Variants in MAN1A1 observed in about 807,000 individuals in gnomAD.
The protein encoded by MAN1A1 is mannosidase alpha class 1A member 1, also known as mannosyl-oligosaccharide 1,2-alpha-mannosidase IA.
A neutral mutation model predicts 70.8 loss-of-function variants in MAN1A1; 29 were observed. The observed-to-expected ratio is 0.41, with a 90% CI of 0.31 to 0.56. The LOEUF is 0.56. Among genes scored for constraint, MAN1A1 ranks in the 20% least tolerant of loss-of-function variants. The pLI is 0.29. For missense variants in MAN1A1, 747 were observed against 841.3 expected (o/e 0.89, Z 1.39); for synonymous variants, 349 against 330.1 (o/e 1.06, Z -0.62).
At chr6:119,272,731 G>C (rs1305022285) in intron 5 of MAN1A1, among the ~76,000 whole-genome samples, 2 of 152,076 alleles carry the variant, frequency 1.3e-5, no homozygotes, top group Non-Finnish European at 2.9e-5. Context: ...ACTTTCGATT[G>C]ATTTATGAAT....
At chr6:119,241,278 TAATG>T (rs765085193) in intron 6 of MAN1A1, among the ~76,000 whole-genome samples, 7 of 152,130 alleles carry the variant, frequency 4.6e-5, no homozygotes, top group Non-Finnish European at 1.0e-4. Context: ...GTGTAACTAT[TAATG>T]AAAGTAAACA....
chr6:119,291,915 A>G (rs1446075353), intron 4 of MAN1A1, among the ~76,000 whole-genome samples: 3 of 152,016 alleles, frequency 2.0e-5, no homozygotes, highest in African/African-American at 7.2e-5. Flanking sequence ...TAGTCCTCAC[A>G]ATGACCTTAT....
intron 8 of MAN1A1, among the ~76,000 whole-genome samples, chr6:119,199,725 G>A (rs1470220215): frequency 2.7e-5 from 4 of 148,786 alleles, no homozygotes; most frequent in Non-Finnish European, 4.5e-5. Context: ...TGGGAAATAT[G>A]AGACCTTCTC....
intron 4 of MAN1A1, among the ~76,000 whole-genome samples, chr6:119,297,449 C>T (rs1772246077): frequency 6.6e-6 from 1 of 152,100 alleles, no homozygotes; most frequent in Admixed American, 6.6e-5. Flanking sequence ...CATGCCTAAC[C>T]TCAGAGGACT....
At chr6:119,318,282 C>T (rs1772908939) in intron 2 of MAN1A1, among the ~76,000 whole-genome samples, 1 of 152,194 alleles carries the variant, frequency 6.6e-6, no homozygotes, top group Admixed American at 6.5e-5. Flanking sequence ...TCCCTTACAA[C>T]AACTCTGCAA....
intron 8 of MAN1A1, among the ~76,000 whole-genome samples, chr6:119,195,007 A>G (rs1352076351): frequency 6.6e-6 from 1 of 151,564 alleles, no homozygotes; most frequent in African/African-American, 2.4e-5. Flanking sequence ...TAATTTTTGT[A>G]TTTTTAGTAG....
chr6:119,332,084 T>C (rs1773332931), intron 2 of MAN1A1: 5 of 408,188 alleles, frequency 1.2e-5, no homozygotes, highest in Admixed American at 1.1e-4. Flanking sequence ...GAGAATTTAA[T>C]GAGAATATGT....
chr6:119,313,805 T>C (rs1430776140), intron 2 of MAN1A1, among the ~76,000 whole-genome samples: 5 of 152,072 alleles, frequency 3.3e-5, no homozygotes, highest in African/African-American at 1.2e-4. Flanking sequence ...TGCCCTGTTC[T>C]GTGGTAGGCT....
chr6:119,199,605 T>C (rs1773661867), intron 8 of MAN1A1, among the ~76,000 whole-genome samples: 1 of 152,016 alleles, frequency 6.6e-6, no homozygotes, highest in Non-Finnish European at 1.5e-5. Flanking sequence ...TTTTTTAAAA[T>C]GCTATTAAGA....
chr6:119,275,116 ATT>A (rs551671511), intron 5 of MAN1A1, among the ~76,000 whole-genome samples: 2 of 144,204 alleles, frequency 1.4e-5, no homozygotes. Context: ...CTGCTAGTTC[ATT>A]TTTTTTTTTT....
intron 7 of MAN1A1, among the ~76,000 whole-genome samples, chr6:119,204,260 C>T (rs971791386): frequency 2.0e-5 from 3 of 152,120 alleles, no homozygotes; most frequent in Non-Finnish European, 4.4e-5. Flanking sequence ...AAGTAGACAA[C>T]AGGGACGACT....
Position 119,349,081 on chromosome 6 carries a change from G to A in MAN1A1, c.-16C>T. On this transcript the variant is annotated 5_prime_UTR_variant, in exon 2 of 13. Coordinates refer to ENST00000368468, the MANE Select transcript of MAN1A1 (RefSeq NM_005907.4). The stretch of plus-strand genomic sequence containing the variant: ...CCACGGGCATCGCTCCCGCTGTCCA[G>A]TGGTCCGGCGCCGCGCCGCTCAGCA... 1.3e-5 allele frequency: 17 copies of A among 1,294,146 alleles called. No homozygotes were observed. The highest frequency in any genetic ancestry group is 1.7e-5 in the Non-Finnish European group (17 of 1,020,706). The allele number at this position is 1,294,146 out of a possible 1,614,324, so 80.2% of individuals were successfully genotyped here.
At chr6:119,180,215 C>T in intron 12 of MAN1A1, 97 bp downstream of exon 12, 2 of 854,778 alleles carry the variant, frequency 2.3e-6, no homozygotes, top group East Asian at 4.9e-5. Flanking sequence ...CTGAATCAGG[C>T]ATACTTGATA....
chr6:119,349,799 G>A, upstream of MAN1A1: 2 of 970,636 alleles, frequency 2.1e-6, no homozygotes, highest in Non-Finnish European at 1.2e-6. Flanking sequence ...GAAAGCGAGG[G>A]AGGCGACGCG....
At chr6:119,222,095 A>G (rs1295289217) in intron 6 of MAN1A1, among the ~76,000 whole-genome samples, 1 of 152,148 alleles carries the variant, frequency 6.6e-6, no homozygotes, top group Non-Finnish European at 1.5e-5. Context: ...ATTTCCTCAA[A>G]TGACCTAGTA....
intron 11 of MAN1A1, among the ~76,000 whole-genome samples, chr6:119,181,237 C>T (rs1582672162): frequency 6.6e-6 from 1 of 152,234 alleles, no homozygotes; most frequent in South Asian, 2.1e-4. Flanking sequence ...GTTTGCTGAC[C>T]CCTAGTTTGG....
chr6:119,225,584 A>T (rs1774490334), intron 6 of MAN1A1, among the ~76,000 whole-genome samples: 1 of 152,252 alleles, frequency 6.6e-6, no homozygotes, highest in African/African-American at 2.4e-5. Flanking sequence ...CTAGCTATGG[A>T]CATCAAACTC....
intron 6 of MAN1A1, 38 bp from the exon 7 acceptor site, chr6:119,204,920 T>A: frequency 6.2e-7 from 1 of 1,602,006 alleles, no homozygotes; most frequent in Non-Finnish European, 8.5e-7. Flanking sequence ...ATGGGTCAGA[T>A]TAACTCCGTT....
intron 6 of MAN1A1, among the ~76,000 whole-genome samples, chr6:119,206,998 C>T (rs1434689311): frequency 6.6e-6 from 1 of 152,208 alleles, no homozygotes; most frequent in Non-Finnish European, 1.5e-5. Flanking sequence ...CATGTGGTAG[C>T]ACACTCAGAT....
Sources: gnomAD v4.1 joint callset for allele counts (sites outside exome capture counted in the v4.1 genomes callset) on GRCh38, gnomAD v4.1.1 for gene constraint, MANE v1.5 for transcripts, NCBI Gene and HGNC (gene_info 2026-07-23, HGNC 2026-07-21) for gene names.